Variants in CSMD3 observed in about 807,000 individuals in gnomAD.
CSMD3 encodes the protein CUB and sushi domain-containing protein 3.
A neutral mutation model predicts 435.2 loss-of-function variants in CSMD3; 177 were observed. The ratio of observed to expected loss-of-function variants is 0.41; its 90% CI spans 0.36 to 0.46. The LOEUF is 0.46. Ranked by LOEUF, CSMD3 falls within the 20% of genes least tolerant of loss-of-function variation. CSMD3 has a pLI of 0.34. For missense variants in CSMD3, 4,265 were observed against 4,504.6 expected, an observed-to-expected ratio of 0.95 and a Z score of 1.52; for synonymous variants, 1,656 against 1,520.5, an observed-to-expected ratio of 1.09 and a Z score of -2.07.
intron 1 of CSMD3, among the ~76,000 whole-genome samples, chr8:113,413,646 G>C (rs762102537): frequency 1.3e-5 from 2 of 152,170 alleles, no homozygotes; most frequent in African/African-American, 2.4e-5. Context: ...AAGGCAAAGA[G>C]TAATGTGGGA....
intron 13 of CSMD3, among the ~76,000 whole-genome samples, chr8:112,742,902 T>TA (rs2077343620): frequency 6.6e-6 from 1 of 152,030 alleles, no homozygotes; most frequent in Non-Finnish European, 1.5e-5. Context: ...GTGGCCTGTA[T>TA]AGTCACACAG....
chr8:112,438,009 G>A (rs1814567949), intron 32 of CSMD3, among the ~76,000 whole-genome samples: 1 of 152,042 alleles, frequency 6.6e-6, no homozygotes, highest in East Asian at 1.9e-4. Flanking sequence ...ATTAACCCTC[G>A]AAGGGCAGAA....
At position 112,224,568 on chromosome 8, in the gene CSMD3, G is replaced by C. The variant is rs573737582; in HGVS notation, c.*203C>G. ...TGTGAGTAAGCACTCTCAGAGTGCA[G>C]CCAAATTTCTGTAAAACTCTCCATG... On this transcript the variant is annotated 3_prime_UTR_variant, in exon 71 of 71. Coordinates refer to ENST00000297405, the MANE Select transcript of CSMD3 (RefSeq NM_198123.2). The C allele has an allele frequency of 1.6e-6, 1 of 618,008 alleles. No individual in the cohort carries two copies. Among genetic ancestry groups the C allele is most frequent in the African/African-American group, 1.8e-5 (1 of 54,498 alleles). 38.3% of individuals were successfully genotyped at this position (618,008 alleles called of 1,614,324 possible). A position where few individuals can be genotyped will look rare whatever the true frequency, so the allele number is the denominator to read the frequency against.
intron 22 of CSMD3, among the ~76,000 whole-genome samples, chr8:112,601,950 G>A (rs552687938): frequency 6.6e-6 from 1 of 152,282 alleles, no homozygotes; most frequent in Non-Finnish European, 1.5e-5. Context: ...TGAAATACAA[G>A]TTTCAGGTTA....
intron 10 of CSMD3, among the ~76,000 whole-genome samples, chr8:112,917,097 T>C (rs1309386609): frequency 1.3e-5 from 2 of 151,948 alleles, no homozygotes; most frequent in South Asian, 2.1e-4. Flanking sequence ...TTTTATTCTA[T>C]CAACAGTAAT....
intron 2 of CSMD3, chr8:113,312,743 TA>T (rs2093878955): frequency 6.6e-6 from 1 of 152,172 alleles, no homozygotes; most frequent in Non-Finnish European, 1.5e-5. Context: ...TTATAGGTAT[TA>T]TTTGCATTAA....
At chr8:113,395,605 T>C (rs1160963156) in intron 1 of CSMD3, among the ~76,000 whole-genome samples, 1 of 89,810 alleles carries the variant, frequency 1.1e-5, no homozygotes, top group Non-Finnish European at 2.1e-5. Flanking sequence ...TGAGACTCCG[T>C]CTCAAAAAAA....
In CSMD3 at chr8:112,383,569, G is replaced by A. The variant is rs867017303; in HGVS notation, c.6029C>T (p.Ser2010Leu). Residue 2010 changes from serine (S) to leucine (L), a missense_variant and splice_region_variant, in exon 37 of 71, where the codon TCA becomes TTA. Transcript: ENST00000297405. ...TTAAGCTCAGCTCTCTTATTTACCT[G>A]AATAGCTTCCAAGTCTTGGAGCATT... ...DNNAPRLGSY[S>L]GTTIPHLLNS... 2 of 1,519,766 alleles carry A rather than the reference G, an allele frequency of 1.3e-6. No homozygotes were observed. Among genetic ancestry groups the A allele is most frequent in the Non-Finnish European group, 1.8e-6 (2 of 1,094,240 alleles). The allele number at this position is 1,519,766 out of a possible 1,614,324, so 94.1% of individuals were successfully genotyped here.
chr8:112,962,268 T>C (rs2084259704), intron 7 of CSMD3, among the ~76,000 whole-genome samples: 1 of 151,862 alleles, frequency 6.6e-6, no homozygotes, highest in African/African-American at 2.4e-5. Flanking sequence ...TCATAGATAA[T>C]TTGATTGTAA....
chr8:113,174,104 G>C (rs1309382183), intron 3 of CSMD3, among the ~76,000 whole-genome samples, 188 bp from the exon 4 acceptor site: 1 of 152,106 alleles, frequency 6.6e-6, no homozygotes, highest in Non-Finnish European at 1.5e-5. Flanking sequence ...CCTTATCACA[G>C]AGGTATTATT....
intron 5 of CSMD3, among the ~76,000 whole-genome samples, chr8:113,030,428 A>G (rs1174736287): frequency 3.4e-5 from 5 of 148,854 alleles, no homozygotes; most frequent in Non-Finnish European, 4.5e-5. Context: ...AAAAAAAAAA[A>G]AAAAAAAAAA....
chr8:112,711,221 C>G (rs1293717456), intron 13 of CSMD3, among the ~76,000 whole-genome samples: 1 of 151,726 alleles, frequency 6.6e-6, no homozygotes, highest in Admixed American at 6.6e-5. Flanking sequence ...TCTCTATTTT[C>G]ACAAGAAGAA....
intron 1 of CSMD3, among the ~76,000 whole-genome samples, chr8:113,345,331 T>G (rs765923381): frequency 6.6e-6 from 1 of 152,174 alleles, no homozygotes; most frequent in Non-Finnish European, 1.5e-5. Flanking sequence ...CAAAATAATT[T>G]AATGATATCT....
intron 13 of CSMD3, among the ~76,000 whole-genome samples, chr8:112,690,423 C>A (rs2131827751): frequency 6.6e-6 from 1 of 151,992 alleles, no homozygotes; most frequent in South Asian, 2.1e-4. Context: ...AAAGACTTTT[C>A]TTATTCTTGT....
chr8:113,117,705 A>G (rs1296372198), intron 4 of CSMD3, among the ~76,000 whole-genome samples: 1 of 152,208 alleles, frequency 6.6e-6, no homozygotes, highest in Non-Finnish European at 1.5e-5. Flanking sequence ...TACAAAGCCA[A>G]GGGTCAGAGC....
intron 17 of CSMD3, among the ~76,000 whole-genome samples, chr8:112,664,429 A>T (rs1040121644): frequency 6.6e-6 from 1 of 152,188 alleles, no homozygotes; most frequent in Non-Finnish European, 1.5e-5. Context: ...AATAACTAAG[A>T]TGTTTTTCAA....
intron 27 of CSMD3, among the ~76,000 whole-genome samples, chr8:112,540,166 C>T (rs182849357): frequency 6.6e-6 from 1 of 151,724 alleles, no homozygotes; most frequent in African/African-American, 2.4e-5. Context: ...CAAATGGCTA[C>T]CAGGTAAATG....
chr8:112,251,242 C>T (rs996192517), intron 63 of CSMD3, among the ~76,000 whole-genome samples: 37 of 151,502 alleles, frequency 2.4e-4, no homozygotes, highest in Admixed American at 1.8e-3. Context: ...AATAAATTTA[C>T]GTTTTTCATT....
At chr8:112,562,088 T>C (rs1194032612) in intron 24 of CSMD3, among the ~76,000 whole-genome samples, 4 of 151,738 alleles carry the variant, frequency 2.6e-5, no homozygotes, top group African/African-American at 9.7e-5. Flanking sequence ...TTTAAAGATA[T>C]AAAGTTCACT....
Sources: allele counts gnomAD v4.1 joint callset (sites outside exome capture counted in the v4.1 genomes callset), GRCh38; gene constraint gnomAD v4.1.1; transcripts MANE v1.5; gene names NCBI Gene and HGNC (gene_info 2026-07-23, HGNC 2026-07-21).